SHISA9: variants seen among roughly 807,000 people sequenced by gnomAD.
SHISA9 encodes protein shisa-9.
SHISA9 carries 13 observed loss-of-function variants against 38.0 expected under a neutral mutation model. The observed-to-expected ratio is 0.34, with a 90% CI of 0.22 to 0.54. The LOEUF is 0.54. Ranked by LOEUF, SHISA9 falls within the 20% of genes least tolerant of loss-of-function variation. SHISA9 has a pLI of 0.91. For missense variants in SHISA9, 538 were observed against 575.8 expected (o/e 0.93, Z 0.67); for synonymous variants, 275 against 242.0 (o/e 1.14, Z -1.27).
intron 2 of SHISA9, among the ~76,000 whole-genome samples, chr16:13,173,251 A>G (rs2050703447): frequency 6.6e-6 from 1 of 151,762 alleles, no homozygotes; most frequent in African/African-American, 2.4e-5. Context: ...AGCGTTAACA[A>G]TGCAATATAA....
In SHISA9 at chr16:12,995,092, C is replaced by T. The variant is rs541495783; in HGVS notation, c.691+78277C>T. On this transcript the variant is annotated intron_variant, in intron 2 of 4. Coordinates refer to ENST00000558583, the MANE Select transcript of SHISA9 (RefSeq NM_001145204.3). Reference sequence around the variant, plus strand: ...ATTAATTAATTTTTTTAAACTTTTACTTTTTATGGGTACATAGTAGGTGTC... The same window carrying T: ...ATTAATTAATTTTTTTAAACTTTTATTTTTTATGGGTACATAGTAGGTGTC... 7.1e-4 allele frequency among the ~76,000 whole-genome samples: 108 copies of T among 151,396 alleles called. 3 individuals carry two copies. The South Asian group carries it at 0.022, about 31-fold the overall frequency.
At chr16:13,107,451 C>G (rs2073937207) in intron 2 of SHISA9, among the ~76,000 whole-genome samples, 1 of 142,378 alleles carries the variant, frequency 7.0e-6, no homozygotes, top group African/African-American at 2.6e-5. Context: ...AACAAACAAA[C>G]AAACAAACAA....
chr16:13,214,759 A>G (rs1013054045), intron 4 of SHISA9, among the ~76,000 whole-genome samples: 2 of 151,596 alleles, frequency 1.3e-5, no homozygotes, highest in Non-Finnish European at 2.9e-5. Flanking sequence ...GTGCGGAGAA[A>G]CTCCCATTTT....
At chr16:13,107,459 CAAA>C (rs978611589) in intron 2 of SHISA9, among the ~76,000 whole-genome samples, 2 of 132,910 alleles carry the variant, frequency 1.5e-5, no homozygotes, top group Non-Finnish European at 3.2e-5. Context: ...AACAAACAAA[CAAA>C]AAAACAACAG....
chr16:13,070,541 G>A (rs1481146538), intron 2 of SHISA9, among the ~76,000 whole-genome samples: 1 of 152,176 alleles, frequency 6.6e-6, no homozygotes, highest in Non-Finnish European at 1.5e-5. Flanking sequence ...TCTCAGCCTG[G>A]GAAGGAATTC....
chr16:13,166,606 G>A (rs932114474), intron 2 of SHISA9, among the ~76,000 whole-genome samples: 29 of 151,910 alleles, frequency 1.9e-4, no homozygotes, highest in Non-Finnish European at 2.6e-4. Context: ...ATTCTCCCCC[G>A]CTTGAATGTC....
intron 2 of SHISA9, among the ~76,000 whole-genome samples, chr16:13,020,082 G>A (rs1477293002): frequency 9.8e-5 from 14 of 142,754 alleles, no homozygotes; most frequent in African/African-American, 2.1e-4. Flanking sequence ...GCTGGAGTGC[G>A]GTGCCTTGAT....
chr16:13,009,129 C>T (rs1424883221), intron 2 of SHISA9, among the ~76,000 whole-genome samples: 4 of 151,306 alleles, frequency 2.6e-5, no homozygotes, highest in Non-Finnish European at 4.4e-5. Context: ...AACATCTCAG[C>T]AACTCATGGT....
the SHISA9 span, among the ~76,000 whole-genome samples, chr16:13,304,991 A>T: frequency 6.6e-6 from 1 of 152,240 alleles, no homozygotes; most frequent in Non-Finnish European, 1.5e-5. Context: ...TGATCCTAAA[A>T]TTCAGGTTGA....
chr16:13,074,767 A>G (rs2073561459), intron 2 of SHISA9, among the ~76,000 whole-genome samples: 1 of 148,770 alleles, frequency 6.7e-6, no homozygotes, highest in Non-Finnish European at 1.5e-5. Flanking sequence ...CAGGTTCGAT[A>G]GATTCTCCTG....
intron 2 of SHISA9, among the ~76,000 whole-genome samples, chr16:12,973,851 C>T (rs1222467563): frequency 1.3e-5 from 2 of 152,142 alleles, no homozygotes; most frequent in Admixed American, 1.3e-4. Context: ...GTCTGTATAG[C>T]CTCGAAAAAG....
At chr16:13,380,456 A>G in the SHISA9 span, among the ~76,000 whole-genome samples, 1 of 152,180 alleles carries the variant, frequency 6.6e-6, no homozygotes, top group East Asian at 1.9e-4. Context: ...TAGAAACTAG[A>G]AGACACTATA....
intron 2 of SHISA9, among the ~76,000 whole-genome samples, chr16:13,078,863 A>T (rs1361950773): frequency 6.6e-6 from 1 of 152,190 alleles, no homozygotes; most frequent in Non-Finnish European, 1.5e-5. Flanking sequence ...GCTGCAGGGC[A>T]GTGGGGGTGC....
At chr16:13,442,450 G>T in the SHISA9 span, among the ~76,000 whole-genome samples, 1 of 152,062 alleles carries the variant, frequency 6.6e-6, no homozygotes, top group East Asian at 1.9e-4. Context: ...TGGGATTACA[G>T]GTATGCACCA....
intron 2 of SHISA9, among the ~76,000 whole-genome samples, chr16:13,077,269 C>T (rs2073593940): frequency 6.6e-6 from 1 of 151,298 alleles, no homozygotes; most frequent in African/African-American, 2.4e-5. Flanking sequence ...CTTCTGAATT[C>T]CTCTCTATGT....
the SHISA9 span, among the ~76,000 whole-genome samples, chr16:13,554,903 A>C: frequency 9.6e-4 from 146 of 152,366 alleles, no homozygotes; most frequent in African/African-American, 3.4e-3. Flanking sequence ...GAAAAGAAGA[A>C]GGTGGAGAGA....
At chr16:13,453,567 C>T in the SHISA9 span, among the ~76,000 whole-genome samples, 2 of 152,186 alleles carry the variant, frequency 1.3e-5, no homozygotes, top group Non-Finnish European at 2.9e-5. Flanking sequence ...CAAATTGCCC[C>T]AGACCAGGCC....
the SHISA9 span, among the ~76,000 whole-genome samples, chr16:13,538,583 A>C: frequency 6.6e-6 from 1 of 152,184 alleles, no homozygotes; most frequent in Non-Finnish European, 1.5e-5. Context: ...TCCTAGTCTA[A>C]ATGGTTATGA....
intron 2 of SHISA9, among the ~76,000 whole-genome samples, chr16:13,089,386 C>T (rs558097961): frequency 2.7e-4 from 41 of 152,312 alleles, no homozygotes; most frequent in African/African-American, 7.9e-4. Flanking sequence ...GTACCAGCTC[C>T]TCTTTGTACC....
Sources: gnomAD v4.1 joint callset for allele counts (sites outside exome capture counted in the v4.1 genomes callset) on GRCh38, gnomAD v4.1.1 for gene constraint, MANE v1.5 for transcripts, NCBI Gene and HGNC (gene_info 2026-07-23, HGNC 2026-07-21) for gene names.